Variants in SYN1 observed in about 807,000 individuals in gnomAD.
SYN1 encodes the protein synapsin-1.
A neutral mutation model predicts 44.6 loss-of-function variants in SYN1; 8 were observed. The observed-to-expected ratio is 0.18, with a 90% CI of 0.11 to 0.32. The LOEUF is 0.32. Ranked by LOEUF, SYN1 falls within the 10% of genes least tolerant of loss-of-function variation. The probability of loss-of-function intolerance (pLI) is 1.00; values close to 1 mark genes in which losing one functional copy is unlikely to be tolerated. For missense variants in SYN1, 451 were observed against 639.4 expected (o/e 0.71, Z 3.18); for synonymous variants, 275 against 280.1 (o/e 0.98, Z 0.18).
rs61756234 is a variant in SYN1 at position 47,585,009 on chromosome X, G to T, written c.775-7508C>A. The stretch of plus-strand genomic sequence containing the variant: ...TATACCAGCGTTATGAGATCAAGAT[G>T]ACCAAGGTATCCCCTGCCCCCGCCT... On this transcript the variant is annotated intron_variant, in intron 5 of 12. Coordinates refer to ENST00000295987, the MANE Select transcript of SYN1 (RefSeq NM_006950.3). The T allele has an allele frequency of 5.9e-4, 713 of 1,208,306 alleles. No homozygotes were observed. Among genetic ancestry groups the T allele is most frequent in the Non-Finnish European group, 7.6e-4 (682 of 894,489 alleles).
chrX:47,593,000 G>A (rs1421404623), intron 5 of SYN1, among the ~76,000 whole-genome samples: 1 of 109,770 alleles, frequency 9.1e-6, no homozygotes, highest in Non-Finnish European at 1.9e-5. Context: ...TCAGCCTCCC[G>A]AGTAGCTGGG....
At chrX:47,618,702 G>A (rs755513605) in intron 1 of SYN1, among the ~76,000 whole-genome samples, 136 of 111,507 alleles carry the variant, frequency 1.2e-3, no homozygotes, top group African/African-American at 4.2e-3. Context: ...AAACTCACAG[G>A]ATCCATGAAA....
At chrX:47,575,536 G>A (rs1193710777) in intron 9 of SYN1, among the ~76,000 whole-genome samples, 6 of 112,518 alleles carry the variant, frequency 5.3e-5, no homozygotes, top group Non-Finnish European at 1.1e-4. Flanking sequence ...AGCTAAGGAT[G>A]GGTCTTTAAA....
Position 47,577,874 on chromosome X carries a change from T to TG in SYN1, c.775-374dup, listed in dbSNP as rs546839289. ...GTGTGCCAGTGCGTGTGTGTGGGGG[T>TG]GGGGGGGGTGGGGAGTGGTGGTGAG... On this transcript the variant is annotated intron_variant, in intron 5 of 12. Coordinates refer to ENST00000295987, the MANE Select transcript of SYN1 (RefSeq NM_006950.3). Among the ~76,000 whole-genome samples the TG allele has an allele frequency of 7.1e-3, 120 of 16,890 alleles. 1 individual carries two copies. Among genetic ancestry groups the TG allele is most frequent in the South Asian group, 0.029 (17 of 587 alleles). The allele number at this position is 16,890 out of a possible 115,157, so 14.7% of individuals were successfully genotyped here. A position where few individuals can be genotyped will look rare whatever the true frequency, so the allele number is the denominator to read the frequency against.
At chrX:47,609,005 G>GAC (rs757667668) in intron 1 of SYN1, among the ~76,000 whole-genome samples, 3,393 of 87,288 alleles carry the variant, frequency 0.039, 70 homozygotes, top group East Asian at 0.063. Flanking sequence ...CTCTCTCTCT[G>GAC]ACACACACAC....
In SYN1 at chrX:47,586,151, C is replaced by T. The variant is rs1037782563; in HGVS notation, c.775-8650G>A. The T allele has an allele frequency of 3.2e-6, 3 of 940,897 alleles. No individual in the cohort carries two copies. In the African/African-American group the frequency reaches 6.1e-5, roughly 19 times the overall value. 77.5% of individuals were successfully genotyped at this position (940,897 alleles called of 1,213,427 possible). Reference sequence around the variant, plus strand: ...TGATGGCTCCTGATGGCCTCTGAGCCCAGTGACTATCTTGAAGCCCCACTG... The same window carrying T: ...TGATGGCTCCTGATGGCCTCTGAGCTCAGTGACTATCTTGAAGCCCCACTG... On this transcript the variant is annotated intron_variant, in intron 5 of 12. Coordinates refer to ENST00000295987, the MANE Select transcript of SYN1 (RefSeq NM_006950.3).
chrX:47,607,256 C>T, intron 1 of SYN1, 58 bp from the exon 2 acceptor site: 1 of 1,106,501 alleles, frequency 9.0e-7, no homozygotes, highest in African/African-American at 1.8e-5. Context: ...GAAGACAAAA[C>T]ACAGGCCCTT....
In SYN1 at chrX:47,576,197, A is replaced by C; in HGVS notation, c.1092T>G (p.Phe364Leu). ...CCACTGCGCAGATGTCCAGTCCCCC[A>C]AAAATCTCTGAGCACGTGTCCACCC... is the stretch of plus-strand genomic sequence containing the variant. ...KLWVDTCSEI[F>L]GGLDICAVEA... Residue 364 changes from phenylalanine (F) to leucine (L), a missense_variant, in exon 9 of 13, where the codon TTT becomes TTG. Around this residue, in one of 3 missense-constraint regions of SYN1, gnomAD observed 315 missense variants for 451.4 expected, o/e 0.70. Transcript: ENST00000295987. The C allele has an allele frequency of 1.7e-6, 2 of 1,203,815 alleles. No individual in the cohort carries two copies. Among genetic ancestry groups the C allele is most frequent in the Non-Finnish European group, 1.1e-6 (1 of 891,373 alleles).
Position 47,574,350 on chromosome X carries a change from G to A in SYN1, c.1634C>T (p.Ala545Val). 1 of 1,035,989 alleles carries A rather than the reference G, an allele frequency of 9.7e-7. No homozygotes were observed. The highest frequency in any genetic ancestry group is 1.2e-6 in the Non-Finnish European group (1 of 815,431). The allele number at this position is 1,035,989 out of a possible 1,213,427, so 85.4% of individuals were successfully genotyped here. A position where few individuals can be genotyped will look rare whatever the true frequency, so the allele number is the denominator to read the frequency against. The change falls in exon 12 of 13, where the codon GCA (alanine) becomes GTA (valine). Residue 545 changes from alanine (A) to valine (V), a missense_variant. Physicochemically the swap from Ala to Val is moderately conservative, Grantham distance 64. Transcript: ENST00000295987. ...AGACGGAGAGGCGGGCGGGCGGGCT[G>A]CTGGAGGCGCCCCGGGGCCTCCCGC... ...PVAGGPGAPP[A>V]ARPPASPSPQ...
chrX:47,585,118 T>A lies in SYN1; in HGVS notation c.775-7617A>T, dbSNP rs763221514. 3.8e-5 allele frequency: 44 copies of A among 1,165,905 alleles called. No homozygotes were observed. The East Asian group carries it at 1.3e-3, about 34-fold the overall frequency. Reference sequence around the variant, plus strand: ...GTTGGTGCGAGAAAGTTGGCTGTGATCTTGGGATGCTATATGACTTCAGGG... The same window carrying A: ...GTTGGTGCGAGAAAGTTGGCTGTGAACTTGGGATGCTATATGACTTCAGGG... On this transcript the variant is annotated intron_variant, in intron 5 of 12. Transcript: ENST00000295987.
chrX:47,576,066 G>T, intron 9 of SYN1, 65 bp downstream of exon 9: 4 of 1,081,902 alleles, frequency 3.7e-6, no homozygotes, highest in Non-Finnish European at 5.0e-6. Flanking sequence ...GAGTGCTTCA[G>T]TTTGCACTGC....
At chrX:47,617,153 T>C (rs2057933717) in intron 1 of SYN1, among the ~76,000 whole-genome samples, 1 of 111,467 alleles carries the variant, frequency 9.0e-6, no homozygotes, top group Non-Finnish European at 1.9e-5. Flanking sequence ...AATAAATATC[T>C]GCAGAATGAA....
chrX:47,614,938 T>C (rs911861685), intron 1 of SYN1, among the ~76,000 whole-genome samples: 5 of 111,189 alleles, frequency 4.5e-5, no homozygotes, highest in Admixed American at 2.9e-4. Context: ...AGCTCAACTT[T>C]TCCCTCTGCA....
chrX:47,586,132 C>T, intron 5 of SYN1: 1 of 940,891 alleles, frequency 1.1e-6, no homozygotes, highest in East Asian at 6.2e-5. Context: ...TCCCTGATGG[C>T]TCCTGATGGC....
At chrX:47,606,751 A>ATATTTT (rs1345170011) in intron 3 of SYN1, among the ~76,000 whole-genome samples, 194 bp downstream of exon 3, 116 of 93,241 alleles carry the variant, frequency 1.2e-3, no homozygotes, top group African/African-American at 4.6e-3. Context: ...ATATATATAT[A>ATATTTT]TTTTTTTTTA....
At chrX:47,595,217 T>C (rs762661004) in intron 5 of SYN1, among the ~76,000 whole-genome samples, 1 of 111,843 alleles carries the variant, frequency 8.9e-6, no homozygotes, top group Non-Finnish European at 1.9e-5. Flanking sequence ...CATCTCTTCA[T>C]CTGTATCCTT....
chrX:47,583,645 T>C, intron 5 of SYN1: 1 of 910,262 alleles, frequency 1.1e-6, no homozygotes, highest in Non-Finnish European at 1.5e-6. Flanking sequence ...GCCCCTGCAC[T>C]TCCTCTGCTT....
chrX:47,577,046 G>C (rs1011397601), intron 6 of SYN1, among the ~76,000 whole-genome samples: 2 of 111,049 alleles, frequency 1.8e-5, no homozygotes, highest in African/African-American at 6.6e-5. Flanking sequence ...TACTTTCTAC[G>C]TACACAGAGA....
intron 5 of SYN1, among the ~76,000 whole-genome samples, chrX:47,594,757 C>T (rs1259850758): frequency 4.6e-4 from 45 of 97,009 alleles, no homozygotes; most frequent in African/African-American, 1.6e-3. Context: ...GACAGAGTTT[C>T]GCTCTTGTTG....
Sources: gnomAD v4.1 joint callset for allele counts (sites outside exome capture counted in the v4.1 genomes callset) on GRCh38, gnomAD v4.1.1 for gene constraint, gnomAD v4.1.1 regional missense constraint, MANE v1.5 for transcripts, NCBI Gene and HGNC (gene_info 2026-07-23, HGNC 2026-07-21) for gene names.